PPFIA2: variants seen among roughly 807,000 people sequenced by gnomAD.
PPFIA2 encodes the protein PPFI scaffold protein A2.
Under a neutral mutation model 175.5 loss-of-function variants are expected in PPFIA2, and 46 were observed. That is an observed-to-expected ratio of 0.26 (90% CI 0.21 to 0.34). The LOEUF is 0.34. Among genes scored for constraint, PPFIA2 ranks in the 10% least tolerant of loss-of-function variants. The pLI, the probability that PPFIA2 is intolerant of heterozygous loss-of-function variation, is 1.00. For synonymous variants in PPFIA2, 568 were observed against 511.4 expected (o/e 1.11, Z -1.49); for missense variants, 1,179 against 1,506.1 (o/e 0.78, Z 3.60).
At chr12:81,652,918 A>C (rs2153534810) in intron 4 of PPFIA2, among the ~76,000 whole-genome samples, 1 of 152,192 alleles carries the variant, frequency 6.6e-6, no homozygotes, top group East Asian at 1.9e-4. Flanking sequence ...AAATGTCATG[A>C]GCATCTATCC....
intron 8 of PPFIA2, among the ~76,000 whole-genome samples, chr12:81,394,118 C>T (rs2040643838): frequency 6.6e-6 from 1 of 152,068 alleles, no homozygotes; most frequent in Non-Finnish European, 1.5e-5. Flanking sequence ...TCACATTTTC[C>T]AGTTATCTTT....
chr12:81,613,043 T>C (rs965173020), intron 4 of PPFIA2, among the ~76,000 whole-genome samples: 2 of 152,222 alleles, frequency 1.3e-5, no homozygotes, highest in African/African-American at 4.8e-5. Flanking sequence ...AGTTTTGTTT[T>C]TGTTGGTCCT....
intron 8 of PPFIA2, among the ~76,000 whole-genome samples, chr12:81,387,593 T>G (rs1038893007): frequency 6.6e-6 from 1 of 152,186 alleles, no homozygotes; most frequent in African/African-American, 2.4e-5. Flanking sequence ...TTTTTAAAGT[T>G]GACTAGAGGA....
intron 8 of PPFIA2, among the ~76,000 whole-genome samples, chr12:81,397,819 C>T (rs764223522): frequency 4.6e-5 from 7 of 151,932 alleles, no homozygotes; most frequent in African/African-American, 7.3e-5. Flanking sequence ...CTTGCATTAC[C>T]GTCTGAGCTC....
At position 81,367,133 on chromosome 12, in the gene PPFIA2, T is replaced by C; in HGVS notation, c.1520A>G (p.Asn507Ser). Residue 507 changes from asparagine (N) to serine (S), a missense_variant, in exon 14 of 33, where the codon AAT becomes AGT. Asn to Ser is a conservative substitution (Grantham distance 46, BLOSUM62 1). Coordinates refer to ENST00000549396, the MANE Select transcript of PPFIA2 (RefSeq NM_003625.5). ...CTTATCATGTAAAGATTCTTCAAGATTCTTTCTGAAAGTTTCTGATTCTTG... is the reference window on the plus strand; with the variant it reads ...CTTATCATGTAAAGATTCTTCAAGACTCTTTCTGAAAGTTTCTGATTCTTG... ...LIQESETFRKNLEESLHDKER... is the reference protein window; with the variant it reads ...LIQESETFRKSLEESLHDKER... 3 of 1,439,140 alleles carry C rather than the reference T, an allele frequency of 2.1e-6. No homozygotes were observed. Among genetic ancestry groups the C allele is most frequent in the Non-Finnish European group, 2.8e-6 (3 of 1,088,950 alleles). The allele number at this position is 1,439,140 out of a possible 1,614,324, so 89.1% of individuals were successfully genotyped here. A position where few individuals can be genotyped will look rare whatever the true frequency, so the allele number is the denominator to read the frequency against.
In PPFIA2 at chr12:81,262,043, G is replaced by A; in HGVS notation, c.3716-3C>T. ...CCTCTGCAGTCTTGATGAAGCAACTGCAAATGGAGAAAAGGGCTTTAGAGG... is the reference window on the plus strand; with the variant it reads ...CCTCTGCAGTCTTGATGAAGCAACTACAAATGGAGAAAAGGGCTTTAGAGG... On this transcript the variant is annotated splice_polypyrimidine_tract_variant and splice_region_variant and intron_variant, in intron 31 of 32. Coordinates refer to ENST00000549396, the MANE Select transcript of PPFIA2 (RefSeq NM_003625.5). 6.3e-7 allele frequency: 1 copy of A among 1,588,458 alleles called. No homozygotes were observed. Among genetic ancestry groups the A allele is most frequent in the Admixed American group, 1.7e-5 (1 of 58,542 alleles).
At chr12:81,733,587 T>C (rs2081206320) in intron 3 of PPFIA2, among the ~76,000 whole-genome samples, 1 of 151,716 alleles carries the variant, frequency 6.6e-6, no homozygotes, top group African/African-American at 2.4e-5. Context: ...ATTTTATCTA[T>C]ATATAAAATG....
At chr12:81,482,627 C>T (rs759786114) in intron 4 of PPFIA2, among the ~76,000 whole-genome samples, 4 of 152,038 alleles carry the variant, frequency 2.6e-5, no homozygotes, top group Non-Finnish European at 4.4e-5. Flanking sequence ...CTCAGCTAAC[C>T]AACACAGGAA....
chr12:81,589,910 C>T (rs1419714624), intron 4 of PPFIA2, among the ~76,000 whole-genome samples: 1 of 152,048 alleles, frequency 6.6e-6, no homozygotes, highest in African/African-American at 2.4e-5. Flanking sequence ...TTTTTTCACT[C>T]CTCACTGAAA....
At chr12:81,562,330 A>T (rs1321123988) in intron 4 of PPFIA2, among the ~76,000 whole-genome samples, 1 of 152,228 alleles carries the variant, frequency 6.6e-6, no homozygotes, top group Non-Finnish European at 1.5e-5. Context: ...ATATAAAATT[A>T]TAATTATAGC....
At chr12:81,723,095 C>CAT (rs1361466844) in intron 3 of PPFIA2, among the ~76,000 whole-genome samples, 13 of 151,130 alleles carry the variant, frequency 8.6e-5, no homozygotes, top group Non-Finnish European at 1.6e-4. Flanking sequence ...CATATTAAAG[C>CAT]ATATAAGCAA....
At chr12:81,727,020 A>G (rs1215396445) in intron 3 of PPFIA2, among the ~76,000 whole-genome samples, 3 of 151,374 alleles carry the variant, frequency 2.0e-5, no homozygotes, top group Non-Finnish European at 4.4e-5. Flanking sequence ...ATATGGTGCA[A>G]AAAGGAGAAA....
At chr12:81,476,906 C>T (rs760348573) in intron 4 of PPFIA2, among the ~76,000 whole-genome samples, 15 of 152,086 alleles carry the variant, frequency 9.9e-5, no homozygotes, top group African/African-American at 2.9e-4. Context: ...ATGTCCTTTG[C>T]AGGGACATGG....
At chr12:81,435,665 A>G (rs1231714898) in intron 7 of PPFIA2, among the ~76,000 whole-genome samples, 1 of 152,104 alleles carries the variant, frequency 6.6e-6, no homozygotes, top group African/African-American at 2.4e-5. Flanking sequence ...TCATATAATG[A>G]TGATAGAATA....
At chr12:81,524,656 A>G (rs1594469109) in intron 4 of PPFIA2, among the ~76,000 whole-genome samples, 1 of 152,322 alleles carries the variant, frequency 6.6e-6, no homozygotes, top group East Asian at 1.9e-4. Context: ...TTTAGATGAG[A>G]TGTGAACTTT....
At chr12:81,384,775 C>T (rs1490178781) in intron 8 of PPFIA2, among the ~76,000 whole-genome samples, 1 of 152,032 alleles carries the variant, frequency 6.6e-6, no homozygotes, top group East Asian at 1.9e-4. Flanking sequence ...TCTGACCTAG[C>T]TGGAACAAAC....
chr12:81,317,422 G>C (rs545733808), intron 22 of PPFIA2, among the ~76,000 whole-genome samples: 4 of 151,508 alleles, frequency 2.6e-5, no homozygotes, highest in South Asian at 2.1e-4. Context: ...CGTGACTAAC[G>C]GATTATAGGA....
chr12:81,757,103 C>A (rs1360158989), intron 2 of PPFIA2, among the ~76,000 whole-genome samples: 1 of 152,074 alleles, frequency 6.6e-6, no homozygotes, highest in Non-Finnish European at 1.5e-5. Context: ...CCTTAAAATG[C>A]AGTATAACAT....
intron 4 of PPFIA2, among the ~76,000 whole-genome samples, chr12:81,566,546 AAAAAAAGAAAAG>A (rs1278233998): frequency 6.6e-6 from 1 of 151,418 alleles, no homozygotes; most frequent in African/African-American, 2.4e-5. Context: ...AAAAAAAAAA[AAAAAAAGAAAAG>A]AAAAGAAAAA....
Sources: gnomAD v4.1 joint callset for allele counts (sites outside exome capture counted in the v4.1 genomes callset) on GRCh38, gnomAD v4.1.1 for gene constraint, MANE v1.5 for transcripts, NCBI Gene and HGNC (gene_info 2026-07-23, HGNC 2026-07-21) for gene names.